The following ASPRV1 variants were observed in gnomAD, a reference collection of about 807,000 sequenced individuals.
The protein encoded by ASPRV1 is retroviral-like aspartic protease 1.
Under a neutral mutation model 11.0 loss-of-function variants are expected in ASPRV1, and 7 were observed. The ratio of observed to expected loss-of-function variants is 0.64; its 90% CI spans 0.36 to 1.20. The LOEUF is 1.20. Among genes scored for constraint, ASPRV1 ranks in the 50% most tolerant of loss-of-function variants. The probability of loss-of-function intolerance (pLI) is 0.02; values close to 1 mark genes in which losing one functional copy is unlikely to be tolerated. For synonymous variants in ASPRV1, 136 were observed against 138.4 expected, an observed-to-expected ratio of 0.98 and a Z score of 0.12; for missense variants, 299 against 320.0, an observed-to-expected ratio of 0.93 and a Z score of 0.50.
At chr2:70,042,945 T>C in the ASPRV1 span, among the ~76,000 whole-genome samples, 1 of 152,106 alleles carries the variant, frequency 6.6e-6, no homozygotes, top group East Asian at 1.9e-4. Context: ...ATATGGACAG[T>C]GAAATTGAAC....
At chr2:70,018,326 T>A in the ASPRV1 span, among the ~76,000 whole-genome samples, 1 of 151,854 alleles carries the variant, frequency 6.6e-6, no homozygotes, top group African/African-American at 2.4e-5. Flanking sequence ...TTGGAAGAAT[T>A]AATATTAAAA....
chr2:69,939,316 T>C, the ASPRV1 span: 1 of 152,668 alleles, frequency 6.6e-6, no homozygotes, highest in Non-Finnish European at 1.5e-5. Flanking sequence ...ACACTGTTAC[T>C]AGAACTCCTC....
At chr2:69,981,607 A>C in the ASPRV1 span, among the ~76,000 whole-genome samples, 5 of 152,184 alleles carry the variant, frequency 3.3e-5, no homozygotes, top group African/African-American at 1.2e-4. Flanking sequence ...CCCAGGCTGG[A>C]GTGCAGTGGC....
the ASPRV1 span, among the ~76,000 whole-genome samples, chr2:69,990,655 A>G: frequency 1.3e-5 from 2 of 151,852 alleles, no homozygotes; most frequent in Non-Finnish European, 2.9e-5. Flanking sequence ...AGGTCTTACT[A>G]TGTTGCCCAG....
At chr2:70,068,152 G>C in the ASPRV1 span, among the ~76,000 whole-genome samples, 2 of 152,182 alleles carry the variant, frequency 1.3e-5, no homozygotes, top group African/African-American at 4.8e-5. Context: ...CACCAAAATC[G>C]CAACACACAC....
the ASPRV1 span, chr2:70,054,134 C>T: frequency 6.6e-6 from 1 of 150,612 alleles, no homozygotes; most frequent in Non-Finnish European, 1.5e-5. Context: ...AGTTCAAGAC[C>T]AGCCTGGCCA....
At chr2:70,085,651 G>C in the ASPRV1 span, 1 of 151,762 alleles carries the variant, frequency 6.6e-6, no homozygotes, top group Non-Finnish European at 1.5e-5. Flanking sequence ...GAGAGAGAGA[G>C]AGATAAGAAC....
the ASPRV1 span, among the ~76,000 whole-genome samples, chr2:69,999,012 TG>T: frequency 2.6e-5 from 4 of 152,226 alleles, no homozygotes; most frequent in Admixed American, 2.6e-4. Flanking sequence ...GACTGGGGGC[TG>T]CCCCAGGTGG....
At chr2:70,021,528 C>T in the ASPRV1 span, among the ~76,000 whole-genome samples, 2 of 151,818 alleles carry the variant, frequency 1.3e-5, no homozygotes, top group Non-Finnish European at 2.9e-5. Flanking sequence ...CTGTGTTAGC[C>T]AGGATGGTCT....
the ASPRV1 span, among the ~76,000 whole-genome samples, chr2:70,082,777 C>G: frequency 6.6e-6 from 1 of 152,014 alleles, no homozygotes; most frequent in African/African-American, 2.4e-5. Flanking sequence ...ACCTGCAGTC[C>G]CAGTTACTGA....
chr2:69,937,295 C>T, the ASPRV1 span: 1 of 1,614,188 alleles, frequency 6.2e-7, no homozygotes, highest in South Asian at 1.1e-5. Flanking sequence ...GCGAGAGCAG[C>T]GACACCTGAA....
Position 69,960,679 on chromosome 2 carries a change from C to T in ASPRV1, c.758G>A (p.Gly253Glu), listed in dbSNP as rs1470140528. The T allele has an allele frequency of 6.2e-7, 1 of 1,613,148 alleles. No homozygotes were observed. The highest frequency in any genetic ancestry group is 2.2e-5 in the East Asian group (1 of 44,856). The change falls in exon 1 of 1, where the codon GGG becomes GAG. Residue 253 changes from glycine (G) to glutamate (E), a missense_variant. Coordinates refer to ENST00000320256, the MANE Select transcript of ASPRV1 (RefSeq NM_152792.4). ...TTCTCAGTGGGATAGCTCCTGCCGC[C>T]CTTCTTCTGAGGAGGGGTCCTCCTC... ...LIEEDPSSEE[G>E]RQELSH
chr2:69,993,241 CA>C, the ASPRV1 span: 2 of 152,540 alleles, frequency 1.3e-5, no homozygotes, highest in African/African-American at 4.8e-5. Context: ...CACTGCTCCA[CA>C]AACTGCACCC....
chr2:70,061,183 G>A, the ASPRV1 span, among the ~76,000 whole-genome samples: 1 of 151,954 alleles, frequency 6.6e-6, no homozygotes, highest in Admixed American at 6.6e-5. Flanking sequence ...ATCACTTGAG[G>A]TCAGGAGTTC....
the ASPRV1 span, among the ~76,000 whole-genome samples, chr2:70,045,021 C>G: frequency 6.6e-6 from 1 of 152,084 alleles, no homozygotes; most frequent in Non-Finnish European, 1.5e-5. Context: ...CACCTACAGC[C>G]AATTGGTATC....
At chr2:69,969,517 CT>C in the ASPRV1 span, among the ~76,000 whole-genome samples, 1 of 152,128 alleles carries the variant, frequency 6.6e-6, no homozygotes. Flanking sequence ...CCCCTCTGTC[CT>C]TTGTGGGTTC....
chr2:69,980,038 G>C, the ASPRV1 span, among the ~76,000 whole-genome samples: 1 of 152,206 alleles, frequency 6.6e-6, no homozygotes, highest in African/African-American at 2.4e-5. Flanking sequence ...AGAGAGCAGG[G>C]AGCCTCATTG....
At chr2:69,975,121 A>G in the ASPRV1 span, among the ~76,000 whole-genome samples, 1 of 152,240 alleles carries the variant, frequency 6.6e-6, no homozygotes, top group East Asian at 1.9e-4. Flanking sequence ...AGCCTTGGCC[A>G]GAGGCACAGA....
At chr2:70,054,456 T>C in the ASPRV1 span, among the ~76,000 whole-genome samples, 3 of 150,918 alleles carry the variant, frequency 2.0e-5, no homozygotes, top group Non-Finnish European at 2.9e-5. Flanking sequence ...GGCAGGCGCC[T>C]GTAGTCCCAG....
Sources: allele counts gnomAD v4.1 joint callset (sites outside exome capture counted in the v4.1 genomes callset), GRCh38; gene constraint gnomAD v4.1.1; transcripts MANE v1.5; gene names NCBI Gene and HGNC (gene_info 2026-07-23, HGNC 2026-07-21).